Variants in PARD3B observed in about 807,000 individuals in gnomAD.
PARD3B encodes partitioning defective 3 homolog B.
A neutral mutation model predicts 130.2 loss-of-function variants in PARD3B; 103 were observed. That is an observed-to-expected ratio of 0.79 (90% CI 0.67 to 0.93). The LOEUF (loss-of-function observed/expected upper bound fraction) is 0.93. Ranked by LOEUF, PARD3B falls within the 40% of genes least tolerant of loss-of-function variation. The probability of loss-of-function intolerance (pLI) is 0.00; values close to 1 mark genes in which losing one functional copy is unlikely to be tolerated. For synonymous variants in PARD3B, 583 were observed against 553.2 expected (o/e 1.05, Z -0.76); for missense variants, 1,609 against 1,499.2 (o/e 1.07, Z -1.21).
intron 2 of PARD3B, among the ~76,000 whole-genome samples, chr2:204,720,341 T>G (rs560084019): frequency 6.6e-6 from 1 of 152,110 alleles, no homozygotes; most frequent in African/African-American, 2.4e-5. Flanking sequence ...ATGAACTGCG[T>G]TTTTGTGTGT....
At chr2:204,861,685 T>A (rs1206557873) in intron 2 of PARD3B, among the ~76,000 whole-genome samples, 1 of 152,056 alleles carries the variant, frequency 6.6e-6, no homozygotes. Flanking sequence ...CTTACATAAT[T>A]TTCTGTCAGT....
rs555371537 is a variant in PARD3B, at chr2:204,598,692, G to T, written c.120+52573G>T. On this transcript the variant is annotated intron_variant, in intron 1 of 22. Coordinates refer to ENST00000406610, the MANE Select transcript of PARD3B (RefSeq NM_001302769.2). The stretch of plus-strand genomic sequence containing the variant: ...TCACAAAATTAAGCAGTACCCCATT[G>T]TTCTATATTAACAATTTGTTTTAAA... 5.0e-4 allele frequency among the ~76,000 whole-genome samples: 76 copies of T among 152,054 alleles called. 1 individual carries two copies. In the South Asian group the frequency reaches 0.013, roughly 26 times the overall value.
chr2:204,650,636 C>T (rs558295170), intron 1 of PARD3B, among the ~76,000 whole-genome samples: 3 of 152,238 alleles, frequency 2.0e-5, no homozygotes, highest in Admixed American at 6.5e-5. Flanking sequence ...CCTTAGCAAA[C>T]TAACACAGGA....
intron 19 of PARD3B, among the ~76,000 whole-genome samples, chr2:205,437,460 G>T (rs761575926): frequency 4.6e-5 from 7 of 152,130 alleles, no homozygotes; most frequent in Non-Finnish European, 1.0e-4. Flanking sequence ...CCAATAGAAC[G>T]CTCTGCAATG....
chr2:205,005,554 C>A (rs1695187694), intron 3 of PARD3B, among the ~76,000 whole-genome samples: 1 of 152,072 alleles, frequency 6.6e-6, no homozygotes, highest in African/African-American at 2.4e-5. Context: ...TAGTACTGAA[C>A]TTCTTAAGGT....
At chr2:205,468,903 C>CG in intron 20 of PARD3B, among the ~76,000 whole-genome samples, 1 of 151,746 alleles carries the variant, frequency 6.6e-6, no homozygotes, top group Non-Finnish European at 1.5e-5. Flanking sequence ...CTGAGGAGAC[C>CG]AACCTTAGCT....
At chr2:204,940,797 T>C (rs2125800981) in intron 2 of PARD3B, among the ~76,000 whole-genome samples, 1 of 152,214 alleles carries the variant, frequency 6.6e-6, no homozygotes, top group South Asian at 2.1e-4. Flanking sequence ...TCATGTATTC[T>C]AGGAGTACCC....
chr2:205,174,771 A>G (rs2035370332), intron 12 of PARD3B, among the ~76,000 whole-genome samples: 1 of 152,258 alleles, frequency 6.6e-6, no homozygotes, highest in South Asian at 2.1e-4. Context: ...GTCAAAATAT[A>G]TAGTTGTTGG....
intron 2 of PARD3B, among the ~76,000 whole-genome samples, chr2:204,716,967 C>T (rs970505138): frequency 5.9e-5 from 9 of 152,122 alleles, no homozygotes; most frequent in Middle Eastern, 3.4e-3. Context: ...GTGGAAGAAG[C>T]GTGTATGGGT....
At position 204,817,312 on chromosome 2, in the gene PARD3B, A is replaced by T. The variant is rs1331208330; in HGVS notation, c.222+131030A>T. 1.3e-5 allele frequency among the ~76,000 whole-genome samples: 2 copies of T among 149,104 alleles called. 1 individual carries two copies. Among genetic ancestry groups the T allele is most frequent in the Admixed American group, 1.3e-4 (2 of 14,972 alleles). On this transcript the variant is annotated intron_variant, in intron 2 of 22. Coordinates refer to ENST00000406610, the MANE Select transcript of PARD3B (RefSeq NM_001302769.2). ...TTATTGGGCACTGGATATTATTTTT[A>T]TTCCTATAAAGGTCCTAGATCATAT...
intron 18 of PARD3B, among the ~76,000 whole-genome samples, chr2:205,316,899 TA>T (rs1325186770): frequency 6.6e-6 from 1 of 152,216 alleles, no homozygotes; most frequent in Non-Finnish European, 1.5e-5. Flanking sequence ...ACTAATCTTT[TA>T]TTTTTTTCTA....
chr2:205,159,008 C>A, intron 11 of PARD3B, 101 bp downstream of exon 11: 1 of 1,280,090 alleles, frequency 7.8e-7, no homozygotes. Context: ...GACTTGAGGC[C>A]ACTGAGACTT....
At chr2:204,923,152 A>C (rs1267557793) in intron 2 of PARD3B, among the ~76,000 whole-genome samples, 2 of 152,106 alleles carry the variant, frequency 1.3e-5, no homozygotes, top group African/African-American at 2.4e-5. Context: ...TAATTATATC[A>C]AGTGCTGAGA....
intron 21 of PARD3B, among the ~76,000 whole-genome samples, chr2:205,540,714 C>T (rs150960738): frequency 5.6e-4 from 86 of 152,222 alleles, no homozygotes; most frequent in Non-Finnish European, 1.8e-4. Flanking sequence ...AATTATTAGA[C>T]GATGGAAATG....
At chr2:204,754,720 C>G (rs2040595190) in intron 2 of PARD3B, among the ~76,000 whole-genome samples, 1 of 152,114 alleles carries the variant, frequency 6.6e-6, no homozygotes, top group Non-Finnish European at 1.5e-5. Flanking sequence ...TAAAGCACTT[C>G]CCTTTTAAAC....
At chr2:205,082,770 AGAG>A in intron 4 of PARD3B, among the ~76,000 whole-genome samples, 1 of 152,190 alleles carries the variant, frequency 6.6e-6, no homozygotes, top group East Asian at 1.9e-4. Context: ...AATTTATTTT[AGAG>A]GAGATTAAAT....
At chr2:204,989,679 G>A (rs1391558725) in intron 3 of PARD3B, among the ~76,000 whole-genome samples, 1 of 151,776 alleles carries the variant, frequency 6.6e-6, no homozygotes, top group Non-Finnish European at 1.5e-5. Context: ...GTTTAGTTTT[G>A]TGTGATTTTG....
intron 21 of PARD3B, among the ~76,000 whole-genome samples, chr2:205,534,380 G>A (rs1230929375): frequency 6.6e-6 from 1 of 152,172 alleles, no homozygotes; most frequent in Non-Finnish European, 1.5e-5. Context: ...GAAGCTGGAG[G>A]AGCAGAGAGG....
intron 2 of PARD3B, among the ~76,000 whole-genome samples, chr2:204,884,939 AC>A (rs2046218052): frequency 6.6e-6 from 1 of 152,228 alleles, no homozygotes. Context: ...CAATAAGCAT[AC>A]AAATGCATGT....
Sources: gnomAD v4.1 joint callset for allele counts (sites outside exome capture counted in the v4.1 genomes callset) on GRCh38, gnomAD v4.1.1 for gene constraint, MANE v1.5 for transcripts, NCBI Gene and HGNC (gene_info 2026-07-23, HGNC 2026-07-21) for gene names.